The following EPHA5 variants were observed in gnomAD, a reference collection of about 807,000 sequenced individuals.
EPHA5 encodes the protein ephrin type-A receptor 5.
In EPHA5, 60 loss-of-function variants were observed where a neutral mutation model predicts 105.0. The observed-to-expected ratio is 0.57, with a 90% CI of 0.46 to 0.71. The LOEUF is 0.71. EPHA5 is among the 30% of genes least tolerant of loss of function. The probability of loss-of-function intolerance (pLI) is 0.00; values close to 1 mark genes in which losing one functional copy is unlikely to be tolerated. For synonymous variants in EPHA5, 513 were observed against 449.1 expected (o/e 1.14, Z -1.80); for missense variants, 1,218 against 1,274.7 (o/e 0.96, Z 0.68).
intron 8 of EPHA5, among the ~76,000 whole-genome samples, chr4:65,404,114 T>A (rs1418771692): frequency 6.6e-6 from 1 of 152,100 alleles, no homozygotes; most frequent in African/African-American, 2.4e-5. Context: ...TAAAGAGATA[T>A]AGCTATATTA....
At chr4:65,520,302 T>C (rs187483731) in intron 3 of EPHA5, among the ~76,000 whole-genome samples, 1 of 152,278 alleles carries the variant, frequency 6.6e-6, no homozygotes, top group East Asian at 1.9e-4. Context: ...CAATAAATGG[T>C]GCTGGGAAAA....
rs1319449536 is a variant in EPHA5 at position 65,480,266 on chromosome 4, T to G, written c.1402+10111A>C. On this transcript the variant is annotated intron_variant, in intron 5 of 16. Transcript: ENST00000613740. ...AAATTTTCATTCAAATTTGAATAAG[T>G]ATGCAGTGAAATGTGTCAACTTCAT... 2.6e-5 allele frequency among the ~76,000 whole-genome samples: 4 copies of G among 152,226 alleles called. No individual in the cohort carries two copies. The East Asian group carries it at 7.7e-4, about 29-fold the overall frequency.
chr4:65,397,008 G>T (rs1721307946), intron 8 of EPHA5, among the ~76,000 whole-genome samples: 1 of 152,214 alleles, frequency 6.6e-6, no homozygotes, highest in Non-Finnish European at 1.5e-5. Flanking sequence ...CCCTTGGATA[G>T]ACCTGTTAAC....
At chr4:65,539,863 GAA>G (rs1736650667) in intron 3 of EPHA5, among the ~76,000 whole-genome samples, 2 of 151,328 alleles carry the variant, frequency 1.3e-5, no homozygotes, top group Admixed American at 1.3e-4. Flanking sequence ...AAATATCACT[GAA>G]GTTTCTTTTA....
At chr4:65,367,043 G>T (rs12644356) in intron 9 of EPHA5, among the ~76,000 whole-genome samples, 55,583 of 151,242 alleles carry the variant, frequency 0.37, 12,152 homozygotes, top group East Asian at 0.5. Context: ...TCATTGTGTT[G>T]CTAGGAATTA....
intron 1 of EPHA5, among the ~76,000 whole-genome samples, chr4:65,660,940 A>C (rs1749506486): frequency 6.6e-6 from 1 of 152,138 alleles, no homozygotes. Flanking sequence ...CTTACCCAGC[A>C]AACAAAGAGT....
chr4:65,513,431 G>A (rs558641859), intron 3 of EPHA5, among the ~76,000 whole-genome samples: 9 of 152,178 alleles, frequency 5.9e-5, no homozygotes, highest in Non-Finnish European at 1.3e-4. Context: ...CTGTCGCCCA[G>A]GCTGGAGTGC....
At chr4:65,375,827 C>T in intron 8 of EPHA5, among the ~76,000 whole-genome samples, 1 of 151,068 alleles carries the variant, frequency 6.6e-6, no homozygotes, top group East Asian at 2.0e-4. Flanking sequence ...TAAAGCCAAA[C>T]TTTATACTAT....
intron 5 of EPHA5, among the ~76,000 whole-genome samples, chr4:65,470,198 T>G (rs1729149206): frequency 4.6e-5 from 7 of 151,606 alleles, no homozygotes; most frequent in Admixed American, 4.6e-4. Flanking sequence ...TCTTTGTTTT[T>G]TTTTTTTTTC....
At chr4:65,550,487 A>T (rs1737791879) in intron 3 of EPHA5, among the ~76,000 whole-genome samples, 1 of 152,176 alleles carries the variant, frequency 6.6e-6, no homozygotes, top group African/African-American at 2.4e-5. Context: ...ACTCATATCC[A>T]GTAGCTTTTA....
chr4:65,514,158 T>C (rs1733886951), intron 3 of EPHA5, among the ~76,000 whole-genome samples: 1 of 152,132 alleles, frequency 6.6e-6, no homozygotes. Flanking sequence ...TCCCCTTTGC[T>C]CCTTATTGCA....
chr4:65,574,165 C>A, intron 3 of EPHA5: 3 of 1,606,150 alleles, frequency 1.9e-6, no homozygotes, highest in Non-Finnish European at 8.5e-7. Context: ...ATCTTCGACA[C>A]AGAAAAAGGG....
intron 8 of EPHA5, among the ~76,000 whole-genome samples, chr4:65,395,159 C>T (rs1300617066): frequency 6.6e-6 from 1 of 152,158 alleles, no homozygotes; most frequent in Non-Finnish European, 1.5e-5. Context: ...AACTCAGATA[C>T]TTCTTGAATT....
intron 8 of EPHA5, chr4:65,376,968 A>T (rs1373620333): frequency 1.3e-6 from 2 of 1,583,638 alleles, no homozygotes; most frequent in South Asian, 2.3e-5. Flanking sequence ...TGGACATCAC[A>T]TAGGAGTGAA....
At chr4:65,567,339 C>T (rs1482511032) in intron 3 of EPHA5, among the ~76,000 whole-genome samples, 2 of 151,616 alleles carry the variant, frequency 1.3e-5, no homozygotes, top group Non-Finnish European at 1.5e-5. Flanking sequence ...AATACTTGGT[C>T]TTGAAATGCT....
intron 3 of EPHA5, among the ~76,000 whole-genome samples, chr4:65,526,671 G>A (rs1412628039): frequency 6.6e-6 from 1 of 151,824 alleles, no homozygotes; most frequent in Non-Finnish European, 1.5e-5. Context: ...AATAAATTAA[G>A]CCTGATCTCT....
intron 1 of EPHA5, among the ~76,000 whole-genome samples, chr4:65,657,845 C>T (rs372512546): frequency 4.4e-5 from 6 of 135,380 alleles, no homozygotes; most frequent in Non-Finnish European, 9.3e-5. Flanking sequence ...AGGTGGCACT[C>T]AATGAGTTTA....
intron 14 of EPHA5, among the ~76,000 whole-genome samples, chr4:65,340,752 G>A (rs532231285): frequency 1.3e-5 from 2 of 152,154 alleles, no homozygotes; most frequent in African/African-American, 2.4e-5. Context: ...AGTGTGTCAT[G>A]GCAAGAGAAT....
intron 2 of EPHA5, among the ~76,000 whole-genome samples, chr4:65,628,463 C>T (rs1467940986): frequency 6.6e-6 from 1 of 151,948 alleles, no homozygotes; most frequent in African/African-American, 2.4e-5. Flanking sequence ...ATACTGATAC[C>T]ACTTTTGCAA....
Sources: allele counts gnomAD v4.1 joint callset (sites outside exome capture counted in the v4.1 genomes callset), GRCh38; gene constraint gnomAD v4.1.1; transcripts MANE v1.5; gene names NCBI Gene and HGNC (gene_info 2026-07-23, HGNC 2026-07-21).